Variants in ATP11A observed in about 807,000 individuals in gnomAD.
ATP11A encodes ATPase phospholipid transporting 11A, also known as phospholipid-transporting ATPase IH.
In ATP11A, 81 loss-of-function variants were observed where a neutral mutation model predicts 154.4. That is an observed-to-expected ratio of 0.52 (90% CI 0.44 to 0.63). ATP11A has a LOEUF of 0.63. ATP11A is among the 30% of genes least tolerant of loss of function. The pLI is 0.00. For synonymous variants in ATP11A, 623 were observed against 585.9 expected, an observed-to-expected ratio of 1.06 and a Z score of -0.91; for missense variants, 1,316 against 1,474.3, an observed-to-expected ratio of 0.89 and a Z score of 1.76.
At position 112,717,149 on chromosome 13, in the gene ATP11A, G is replaced by A. The variant is rs1359756601; in HGVS notation, c.39+26694G>A. On this transcript the variant is annotated intron_variant, in intron 1 of 29. Transcript: ENST00000375645. Reference sequence around the variant, plus strand: ...GCAGACACGCTTCCGCCTTGAGGACGGCACTTGTTCAAGTGTAAAGAACGG... The same window carrying A: ...GCAGACACGCTTCCGCCTTGAGGACAGCACTTGTTCAAGTGTAAAGAACGG... 3.9e-5 allele frequency among the ~76,000 whole-genome samples: 6 copies of A among 152,322 alleles called. No homozygotes were observed. In the South Asian group the frequency reaches 6.2e-4, roughly 16 times the overall value.
chr13:112,729,532 C>G (rs1193502013), intron 1 of ATP11A, among the ~76,000 whole-genome samples: 1 of 152,076 alleles, frequency 6.6e-6, no homozygotes, highest in Non-Finnish European at 1.5e-5. Context: ...CAGTCCCCAC[C>G]TTGGCATTGC....
At chr13:112,765,930 C>T (rs964288116) in intron 1 of ATP11A, among the ~76,000 whole-genome samples, 3 of 152,272 alleles carry the variant, frequency 2.0e-5, no homozygotes, top group Non-Finnish European at 2.9e-5. Context: ...TCTGAAGCCG[C>T]GGCTTCCTTG....
chr13:112,778,726 G>A (rs1179704708), intron 1 of ATP11A, among the ~76,000 whole-genome samples: 3 of 147,294 alleles, frequency 2.0e-5, no homozygotes, highest in African/African-American at 5.1e-5. Flanking sequence ...GTGAGTAGCC[G>A]CTGGAGTGAG....
chr13:112,690,420 G>A lies in ATP11A; in HGVS notation c.4G>A (p.Asp2Asn). 7.5e-7 allele frequency: 1 copy of A among 1,334,068 alleles called. No homozygotes were observed. The highest frequency in any genetic ancestry group is 3.3e-5 in the Admixed American group (1 of 29,890). 82.6% of individuals were successfully genotyped at this position (1,334,068 alleles called of 1,614,324 possible). ...AGCGGGAGCGGCCGGAGGAGCCATG[G>A]ACTGCAGCCTCGTGCGGACGCTCGT... Reference protein sequence around the residue: MDCSLVRTLVHR... With the variant: MNCSLVRTLVHR... The change falls in exon 1 of 30, where the codon GAC becomes AAC. Residue 2 changes from aspartate (D) to asparagine (N), a missense_variant. Coordinates refer to ENST00000375645, the MANE Select transcript of ATP11A (RefSeq NM_015205.3). This position sits in a 1 kb window ranked among gnomAD's most constrained non-coding sequence, Gnocchi z 5.6.
At chr13:112,720,879 A>G (rs1460488173) in intron 1 of ATP11A, among the ~76,000 whole-genome samples, 2 of 152,094 alleles carry the variant, frequency 1.3e-5, no homozygotes, top group Non-Finnish European at 2.9e-5. Context: ...TCCAAATGGG[A>G]GGGGCCAGGC....
intron 1 of ATP11A, among the ~76,000 whole-genome samples, chr13:112,720,238 G>T (rs180889483): frequency 6.6e-6 from 1 of 152,214 alleles, no homozygotes; most frequent in Non-Finnish European, 1.5e-5. Flanking sequence ...GCCACAAATC[G>T]GTACATGGAA....
In ATP11A at chr13:112,696,265, G is replaced by A. The variant is rs1237339591; in HGVS notation, c.39+5810G>A. Among the ~76,000 whole-genome samples the A allele has an allele frequency of 6.6e-6, 1 of 152,218 alleles. No individual in the cohort carries two copies. The highest frequency in any genetic ancestry group is 2.4e-5 in the African/African-American group (1 of 41,458). On this transcript the variant is annotated intron_variant, in intron 1 of 29. Transcript: ENST00000375645. The surrounding 1 kb of genome is among the most constrained non-coding windows in gnomAD (Gnocchi z 6.2). ...GCTGCATCACCGTCCATGCTTCTGGGCTTCTTAAGGAGACCGCCTCTCACC... is the reference window on the plus strand; with the variant it reads ...GCTGCATCACCGTCCATGCTTCTGGACTTCTTAAGGAGACCGCCTCTCACC...
At chr13:112,827,030 C>G (rs556005472) in intron 12 of ATP11A, 139 bp downstream of exon 12, 290 of 808,512 alleles carry the variant, frequency 3.6e-4, no homozygotes, top group Non-Finnish European at 5.5e-4. Flanking sequence ...TTGTTTTGAA[C>G]CCTATTTATG....
At chr13:112,729,550 G>A (rs1417706572) in intron 1 of ATP11A, among the ~76,000 whole-genome samples, 1 of 150,558 alleles carries the variant, frequency 6.6e-6, no homozygotes, top group African/African-American at 2.5e-5. Context: ...TGCAGGCCCG[G>A]AGTGTCTTAC....
At chr13:112,702,743 G>T (rs1243343461) in intron 1 of ATP11A, among the ~76,000 whole-genome samples, 2 of 152,208 alleles carry the variant, frequency 1.3e-5, no homozygotes, top group Admixed American at 6.5e-5. Context: ...AGAGGAAGGC[G>T]GCCAGAGGCA....
rs2080912284 is a variant in ATP11A at position 112,882,672 on chromosome 13, G to A, written c.*806G>A. The A allele has an allele frequency of 5.0e-6, 2 of 399,866 alleles. No individual in the cohort carries two copies. The highest frequency in any genetic ancestry group is 1.3e-4 in the South Asian group (1 of 7,818). The allele number at this position is 399,866 out of a possible 1,614,324, so 24.8% of individuals were successfully genotyped here. A position where few individuals can be genotyped will look rare whatever the true frequency, so the allele number is the denominator to read the frequency against. ...GTGGAGAAGGCAGTGCCACGTGGGA[G>A]GACAAGGCCACGCCGGCAGCTTCCA... On this transcript the variant is annotated 3_prime_UTR_variant, in exon 30 of 30. Transcript: ENST00000375645. This position sits in a 1 kb window ranked among gnomAD's most constrained non-coding sequence, Gnocchi z 5.1.
intron 1 of ATP11A, among the ~76,000 whole-genome samples, chr13:112,778,148 G>A (rs948673976): frequency 6.6e-6 from 1 of 152,248 alleles, no homozygotes; most frequent in Admixed American, 6.5e-5. Context: ...TTGCAAAAAT[G>A]TATTTTTTAG....
At chr13:112,833,254 G>T (rs1485766261) in intron 14 of ATP11A, among the ~76,000 whole-genome samples, 1 of 152,104 alleles carries the variant, frequency 6.6e-6, no homozygotes, top group Non-Finnish European at 1.5e-5. Context: ...CTCTGACTTT[G>T]CGTGGGTGGC....
intron 1 of ATP11A, chr13:112,747,483 C>T (rs1022036978): frequency 5.3e-5 from 8 of 151,822 alleles, no homozygotes; most frequent in Non-Finnish European, 1.0e-4. Context: ...TTCAAAGAAA[C>T]AGAGAGTGCA....
rs117986254 is a variant in ATP11A, at chr13:112,725,396, G to A, written c.39+34941G>A. Among the ~76,000 whole-genome samples, 54 of 152,222 alleles carry A rather than the reference G, an allele frequency of 3.5e-4. No individual in the cohort carries two copies. In the East Asian group the frequency reaches 8.1e-3, roughly 23 times the overall value. On this transcript the variant is annotated intron_variant, in intron 1 of 29. Transcript: ENST00000375645. ...CTCAGCCCTCACCAGCCCACTGCCC[G>A]GGCATGCACCAGCCTCCTTCGCCCC...
chr13:112,736,243 T>G (rs1890991885), intron 1 of ATP11A, among the ~76,000 whole-genome samples: 1 of 152,224 alleles, frequency 6.6e-6, no homozygotes, highest in Non-Finnish European at 1.5e-5. Flanking sequence ...CTATTTTTTC[T>G]TAGCTTCAGT....
rs375687297 is a variant in ATP11A, at chr13:112,826,771, G to A, written c.1101G>A (p.Thr367=). 16 of 1,614,012 alleles carry A rather than the reference G, an allele frequency of 9.9e-6. No homozygotes were observed. The highest frequency in any genetic ancestry group is 4.4e-5 in the South Asian group (4 of 91,074). Residue 367 remains threonine (T), a synonymous_variant, in exon 12 of 30, where the codon ACG becomes ACA. Transcript: ENST00000375645. ...TCATCCCTGTGTCCATGTACGTCAC[G>A]GTCGAGATGCAGAAGTTCCTCGGCT... is the stretch of plus-strand genomic sequence containing the variant. ...NYIIPVSMYV[T]VEMQKFLGSY...
At chr13:112,845,345 G>A (rs1452079784) in intron 17 of ATP11A, among the ~76,000 whole-genome samples, 2 of 114,434 alleles carry the variant, frequency 1.7e-5, no homozygotes, top group Admixed American at 8.4e-5. Flanking sequence ...GTACTAACCA[G>A]TCCAGTTGCC....
At chr13:112,755,075 G>T (rs1037199338) in intron 1 of ATP11A, among the ~76,000 whole-genome samples, 19 of 152,352 alleles carry the variant, frequency 1.2e-4, no homozygotes, top group Non-Finnish European at 2.5e-4. Context: ...GACCACTGTG[G>T]GCCGATGAAA....
Sources: allele counts gnomAD v4.1 joint callset (sites outside exome capture counted in the v4.1 genomes callset), GRCh38; gene constraint gnomAD v4.1.1; non-coding constraint Gnocchi (gnomAD v3.1); transcripts MANE v1.5; gene names NCBI Gene and HGNC (gene_info 2026-07-23, HGNC 2026-07-21).